Variants in SCAPER observed in about 807,000 individuals in gnomAD.
SCAPER encodes the protein S phase cyclin A-associated protein in the endoplasmic reticulum.
SCAPER carries 98 observed loss-of-function variants against 182.2 expected under a neutral mutation model. That is an observed-to-expected ratio of 0.54 (90% CI 0.46 to 0.64). SCAPER has a LOEUF of 0.64. Ranked by LOEUF, SCAPER falls within the 30% of genes least tolerant of loss-of-function variation. The pLI is 0.00. For missense variants in SCAPER, 1,432 were observed against 1,690.0 expected, an observed-to-expected ratio of 0.85 and a Z score of 2.68; for synonymous variants, 605 against 564.6, an observed-to-expected ratio of 1.07 and a Z score of -1.01.
At chr15:76,387,485 A>C (rs773780678) in intron 27 of SCAPER, among the ~76,000 whole-genome samples, 25 of 152,198 alleles carry the variant, frequency 1.6e-4, no homozygotes, top group Non-Finnish European at 2.5e-4. Flanking sequence ...TCAGAGGAGG[A>C]GTCTCGGCTT....
chr15:76,764,166 G>T (rs1292163503), intron 14 of SCAPER, among the ~76,000 whole-genome samples: 1 of 152,158 alleles, frequency 6.6e-6, no homozygotes, highest in Non-Finnish European at 1.5e-5. Context: ...GCATACTGTT[G>T]CACTAAGCCT....
chr15:76,685,785 T>C (rs2058005582), intron 20 of SCAPER, among the ~76,000 whole-genome samples: 1 of 151,892 alleles, frequency 6.6e-6, no homozygotes, highest in Non-Finnish European at 1.5e-5. Flanking sequence ...GTTTCTTAAG[T>C]AAGATAACAT....
chr15:76,402,646 C>T (rs535360591), intron 27 of SCAPER, among the ~76,000 whole-genome samples: 3 of 152,214 alleles, frequency 2.0e-5, no homozygotes, highest in African/African-American at 4.8e-5. Context: ...ACCTACCTAA[C>T]TTGGTGTTTG....
intron 20 of SCAPER, among the ~76,000 whole-genome samples, chr15:76,682,665 T>G (rs2057796709): frequency 6.6e-6 from 1 of 152,140 alleles, no homozygotes; most frequent in South Asian, 2.1e-4. Context: ...TAGAGTGTTG[T>G]GGTCAGTAGA....
intron 5 of SCAPER, among the ~76,000 whole-genome samples, chr15:76,805,939 T>A (rs189678857): frequency 1.3e-5 from 2 of 152,320 alleles, no homozygotes; most frequent in East Asian, 3.9e-4. Flanking sequence ...TTGTCCTTTT[T>A]ATTGTTGAGC....
chr15:76,447,613 A>G (rs1000151719), intron 25 of SCAPER, among the ~76,000 whole-genome samples: 1 of 152,220 alleles, frequency 6.6e-6, no homozygotes, highest in Non-Finnish European at 1.5e-5. Flanking sequence ...ATCTGAGGTC[A>G]CAAACTCATT....
At chr15:76,671,695 G>A (rs921289087) in intron 20 of SCAPER, among the ~76,000 whole-genome samples, 3 of 151,914 alleles carry the variant, frequency 2.0e-5, no homozygotes, top group South Asian at 2.1e-4. Flanking sequence ...GTGTGAACCC[G>A]GGAGGCGGAG....
intron 23 of SCAPER, among the ~76,000 whole-genome samples, chr15:76,554,154 C>T (rs544476280): frequency 7.2e-5 from 11 of 152,246 alleles, no homozygotes; most frequent in Admixed American, 2.0e-4. Flanking sequence ...TCTGATAGAG[C>T]TGAAAAATAC....
intron 23 of SCAPER, among the ~76,000 whole-genome samples, chr15:76,538,556 T>C (rs1019145655): frequency 6.6e-6 from 1 of 151,964 alleles, no homozygotes; most frequent in Admixed American, 6.6e-5. Flanking sequence ...TCACACTCTG[T>C]GGACTGTTGT....
chr15:76,807,780 T>C (rs1288511386), intron 5 of SCAPER, among the ~76,000 whole-genome samples: 1 of 150,386 alleles, frequency 6.6e-6, no homozygotes, highest in African/African-American at 2.4e-5. Flanking sequence ...TCGCTAAAGT[T>C]GGGAATTATT....
intron 17 of SCAPER, among the ~76,000 whole-genome samples, chr15:76,712,255 C>T (rs997653147): frequency 1.3e-5 from 2 of 151,966 alleles, no homozygotes; most frequent in Non-Finnish European, 2.9e-5. Flanking sequence ...TGTAGATATG[C>T]GGCGTTATTT....
chr15:76,666,679 C>T (rs994340859), intron 20 of SCAPER, among the ~76,000 whole-genome samples: 7 of 152,188 alleles, frequency 4.6e-5, no homozygotes, highest in African/African-American at 1.7e-4. Context: ...ACTTGCCTTG[C>T]TAAAAATTAT....
At position 76,413,425 on chromosome 15, in the gene SCAPER, A is replaced by G. The variant is rs117165816; in HGVS notation, c.3312-8746T>C. Among the ~76,000 whole-genome samples, 36 of 152,250 alleles carry G rather than the reference A, an allele frequency of 2.4e-4. 1 individual carries two copies. In the East Asian group the frequency reaches 5.6e-3, roughly 24 times the overall value. On this transcript the variant is annotated intron_variant, in intron 26 of 31. Transcript: ENST00000563290. ...GTTACATTTGTTTCATTTTTTCTGC[A>G]TCTACTAAGATGATCTTAGTTTCCT... is the stretch of plus-strand genomic sequence containing the variant.
At chr15:76,700,354 C>T (rs898392825) in intron 20 of SCAPER, among the ~76,000 whole-genome samples, 6 of 152,312 alleles carry the variant, frequency 3.9e-5, no homozygotes, top group African/African-American at 1.4e-4. Flanking sequence ...CCTCTCCAAG[C>T]AATTCTCCCT....
At chr15:76,715,951 C>A (rs1015867878) in intron 17 of SCAPER, among the ~76,000 whole-genome samples, 1 of 152,108 alleles carries the variant, frequency 6.6e-6, no homozygotes, top group Non-Finnish European at 1.5e-5. Context: ...TTTCACAAGA[C>A]CCTAAGCCCA....
intron 23 of SCAPER, among the ~76,000 whole-genome samples, chr15:76,536,404 G>A (rs947908490): frequency 2.6e-5 from 4 of 152,156 alleles, no homozygotes; most frequent in African/African-American, 9.7e-5. Context: ...GCCACTTGCG[G>A]TGTGACCTTG....
In SCAPER at chr15:76,660,896, C is replaced by T. The variant is rs73461310; in HGVS notation, c.2645+4757G>A. ...AATGTCCCAGAATATAAGGTTAATA[C>T]GCAAAAAAAAAACTGTTTCTATAAA... On this transcript the variant is annotated intron_variant, in intron 21 of 31. Coordinates refer to ENST00000563290, the MANE Select transcript of SCAPER (RefSeq NM_020843.4). Among the ~76,000 whole-genome samples the T allele has an allele frequency of 8.4e-3, 1,265 of 150,250 alleles. 17 individuals are homozygous for T. The highest frequency in any genetic ancestry group is 0.029 in the African/African-American group (1,192 of 40,926).
chr15:76,355,923 C>G (rs530490565), intron 29 of SCAPER, among the ~76,000 whole-genome samples: 1 of 152,322 alleles, frequency 6.6e-6, no homozygotes, highest in South Asian at 2.1e-4. Context: ...CCCTGGATTG[C>G]AGAAGATGCA....
chr15:76,819,247 C>G (rs894351698), intron 5 of SCAPER, among the ~76,000 whole-genome samples: 2 of 152,158 alleles, frequency 1.3e-5, no homozygotes, highest in African/African-American at 4.8e-5. Flanking sequence ...AGTGGTTCTC[C>G]CAGCATGCAG....
Sources: gnomAD v4.1 joint callset for allele counts (sites outside exome capture counted in the v4.1 genomes callset) on GRCh38, gnomAD v4.1.1 for gene constraint, MANE v1.5 for transcripts, NCBI Gene and HGNC (gene_info 2026-07-23, HGNC 2026-07-21) for gene names.